UNG: variants seen among roughly 807,000 people sequenced by gnomAD.
UNG encodes the protein uracil DNA glycosylase, also known as uracil-DNA glycosylase.
UNG carries 34 observed loss-of-function variants against 36.5 expected under a neutral mutation model. That is an observed-to-expected ratio of 0.93 (90% CI 0.71 to 1.24). The LOEUF is 1.24. UNG is among the 50% of genes most tolerant of loss of function. The probability of loss-of-function intolerance (pLI) is 0.00; values close to 1 mark genes in which losing one functional copy is unlikely to be tolerated. For synonymous variants in UNG, 172 were observed against 157.8 expected, an observed-to-expected ratio of 1.09 and a Z score of -0.67; for missense variants, 391 against 397.6, an observed-to-expected ratio of 0.98 and a Z score of 0.14.
rs2042260393 is a variant in UNG at position 109,110,951 on chromosome 12, T to TA, written c.*982_*983insA. 6.6e-6 allele frequency: 1 copy of TA among 152,176 alleles called. No individual in the cohort carries two copies. The highest frequency in any genetic ancestry group is 1.5e-5 in the Non-Finnish European group (1 of 68,046). 9.4% of individuals were successfully genotyped at this position (152,176 alleles called of 1,614,324 possible). A position where few individuals can be genotyped will look rare whatever the true frequency, so the allele number is the denominator to read the frequency against. On this transcript the variant is annotated 3_prime_UTR_variant, in exon 7 of 7. Transcript: ENST00000242576. ...TTTTTGCTGTTAGTCGGGTTAGAGT[T>TA]GGCTCTACGCGAGGTTTGTTAATAA...
At chr12:109,100,867 C>G (rs3219220) in intron 3 of UNG, among the ~76,000 whole-genome samples, 1 of 152,168 alleles carries the variant, frequency 6.6e-6, no homozygotes, top group African/African-American at 2.4e-5. Flanking sequence ...GAGGAAGATT[C>G]TAAGAACGCA....
intron 6 of UNG, among the ~76,000 whole-genome samples, chr12:109,108,617 G>A (rs1355880899): frequency 6.6e-6 from 1 of 151,980 alleles, no homozygotes; most frequent in Non-Finnish European, 1.5e-5. Context: ...GGGTGACAGA[G>A]TAAGACCCCA....
At chr12:109,102,706 G>C in intron 4 of UNG, 133 bp from the exon 5 acceptor site, 5 of 701,484 alleles carry the variant, frequency 7.1e-6, no homozygotes, top group Non-Finnish European at 1.3e-5. Flanking sequence ...ATTAATCGGC[G>C]CCATATGTGC....
At chr12:109,106,527 T>A (rs1566123051) in intron 6 of UNG, among the ~76,000 whole-genome samples, 1 of 152,054 alleles carries the variant, frequency 6.6e-6, no homozygotes, top group Non-Finnish European at 1.5e-5. Flanking sequence ...GTTGATATTT[T>A]AAAAAAATCA....
intron 6 of UNG, among the ~76,000 whole-genome samples, chr12:109,105,739 CCAGT>C (rs1186650331): frequency 2.0e-5 from 3 of 152,188 alleles, no homozygotes; most frequent in African/African-American, 7.2e-5. Flanking sequence ...TTCCACCTTC[CCAGT>C]CAGTCAGTCA....
intron 1 of UNG, chr12:109,098,023 G>A: frequency 7.6e-7 from 1 of 1,311,018 alleles, no homozygotes; most frequent in South Asian, 1.7e-5. Context: ...CGGGGCCCAT[G>A]GCGCCAATCC....
chr12:109,098,155 G>A, intron 1 of UNG: 1 of 1,393,538 alleles, frequency 7.2e-7, no homozygotes. Context: ...CGGGTCTGGC[G>A]GGGGCGGGGC....
chr12:109,099,620 A>G (rs1228689412), intron 3 of UNG, among the ~76,000 whole-genome samples: 2 of 151,954 alleles, frequency 1.3e-5, no homozygotes, highest in Non-Finnish European at 2.9e-5. Context: ...GCAGCTTGTT[A>G]TAGTCAACCC....
At chr12:109,109,281 C>T (rs3219268) in intron 6 of UNG, among the ~76,000 whole-genome samples, 4,360 of 152,122 alleles carry the variant, frequency 0.029, 207 homozygotes, top group African/African-American at 0.099. Flanking sequence ...TTGAAAATTG[C>T]ATAGATAATT....
chr12:109,105,620 C>A (rs2042209991), intron 6 of UNG, among the ~76,000 whole-genome samples: 1 of 152,196 alleles, frequency 6.6e-6, no homozygotes, highest in Admixed American at 6.5e-5. Context: ...ACTAAACTTC[C>A]TCCTCTGCAC....
At chr12:109,100,668 A>C (rs1389154636) in intron 3 of UNG, among the ~76,000 whole-genome samples, 1 of 152,242 alleles carries the variant, frequency 6.6e-6, no homozygotes, top group African/African-American at 2.4e-5. Context: ...CTCAAAAACC[A>C]GTTTCAAACC....
At position 109,101,911 on chromosome 12, in the gene UNG, G is replaced by A. The variant is rs1245322882; in HGVS notation, c.445G>A (p.Val149Ile). 6.2e-7 allele frequency: 1 copy of A among 1,613,986 alleles called. No homozygotes were observed. Among genetic ancestry groups the A allele is most frequent in the Admixed American group, 1.7e-5 (1 of 60,018 alleles). Residue 149 changes from valine to isoleucine, a missense_variant, in exon 4 of 7, where the codon GTC (valine) becomes ATC (isoleucine). Transcript: ENST00000242576. ...CCCTGGTGGTTCACAGGTGAAGGTT[G>A]TCATCCTGGGACAGGATCCATATCA... is the stretch of plus-strand genomic sequence containing the variant. ...QMCDIKDVKV[V>I]ILGQDPYHGP...
intron 6 of UNG, 101 bp downstream of exon 6, chr12:109,103,712 C>T (rs1370751458): frequency 1.5e-6 from 2 of 1,320,070 alleles, no homozygotes; most frequent in African/African-American, 1.5e-5. Flanking sequence ...CTGGAAAATC[C>T]ATGTTATAAA....
At chr12:109,107,512 AT>A (rs2042226657) in intron 6 of UNG, among the ~76,000 whole-genome samples, 2 of 116,156 alleles carry the variant, frequency 1.7e-5, no homozygotes, top group Non-Finnish European at 3.4e-5. Flanking sequence ...GCCACTGACT[AT>A]TCCTCTTTTT....
rs2042247136 is a variant in UNG at position 109,109,814 on chromosome 12, C to A, written c.802-15C>A. ...AGTCCCAAATCTGCCACCATTTATT[C>A]TTGATCTTTTTCAGAAGCGGCACCA... On this transcript the variant is annotated splice_polypyrimidine_tract_variant and intron_variant, in intron 6 of 6. Transcript: ENST00000242576. The A allele has an allele frequency of 4.4e-6, 7 of 1,605,578 alleles. No individual in the cohort carries two copies. Among genetic ancestry groups the A allele is most frequent in the African/African-American group, 1.3e-5 (1 of 74,198 alleles).
Position 109,097,711 on chromosome 12 carries a change from TC to T in UNG, c.33del (p.Ser12ProfsTer55). The stretch of plus-strand genomic sequence containing the variant: ...GGCCAGAAGACGCTCTACTCCTTTT[TC>T]TCCCCCAGCCCCGCCAGGAAGCGAC... The part of the protein sequence containing the change: MIGQKTLYSF[F>X]SPSPARKRHA... On this transcript the variant is annotated frameshift_variant, in exon 1 of 7. Transcript: ENST00000242576. LOFTEE classifies it high-confidence loss of function. 1 of 1,595,842 alleles carries T rather than the reference TC, an allele frequency of 6.3e-7. No homozygotes were observed. Among genetic ancestry groups the T allele is most frequent in the South Asian group, 1.1e-5 (1 of 88,926 alleles).
chr12:109,103,637 TTC>T, intron 6 of UNG, 26 bp downstream of exon 6: 1 of 1,553,936 alleles, frequency 6.4e-7, no homozygotes, highest in Non-Finnish European at 8.7e-7. Context: ...TTTCTTTTTT[TTC>T]TTTTTTTTTT....
Position 109,098,418 on chromosome 12 carries a change from G to GGGAC in UNG, c.133-13_133-10dup, listed in dbSNP as rs751581970. 19 of 1,605,570 alleles carry GGGAC rather than the reference G, an allele frequency of 1.2e-5. No individual in the cohort carries two copies. Among genetic ancestry groups the GGGAC allele is most frequent in the Non-Finnish European group, 1.4e-5 (17 of 1,176,184 alleles). ...CTGCAGCTCTTGAGCCGCCTCTGCGGGGACCACTTGCAGGCCATCCCAGCC... is the reference window on the plus strand; with the variant it reads ...CTGCAGCTCTTGAGCCGCCTCTGCGGGGACGGACCACTTGCAGGCCATCCCAGCC... On this transcript the variant is annotated splice_polypyrimidine_tract_variant and intron_variant, in intron 1 of 6. Coordinates refer to ENST00000242576, the MANE Select transcript of UNG (RefSeq NM_080911.3).
rs377203641 is a variant in UNG, at chr12:109,097,803, G to C, written c.124G>C (p.Asp42His). The change falls in exon 1 of 7, where the codon GAT (aspartate) becomes CAT (histidine). Residue 42 changes from aspartate to histidine, a missense_variant. Coordinates refer to ENST00000242576, the MANE Select transcript of UNG (RefSeq NM_080911.3). ...GVAGVPEESGDAAAIPAKKAP... is the reference protein window; with the variant it reads ...GVAGVPEESGHAAAIPAKKAP... ...GGCTGGGGTGCCTGAGGAAAGCGGA[G>C]ATGCGGCGGTGAGGCGCGGCTTGGG... The C allele has an allele frequency of 4.5e-5, 70 of 1,546,588 alleles. No individual in the cohort carries two copies. The African/African-American group carries it at 8.8e-4, about 19-fold the overall frequency.
Sources: allele counts gnomAD v4.1 joint callset (sites outside exome capture counted in the v4.1 genomes callset), GRCh38; gene constraint gnomAD v4.1.1; transcripts MANE v1.5; gene names NCBI Gene and HGNC (gene_info 2026-07-23, HGNC 2026-07-21).